The following GET1 variants were observed in gnomAD, a reference collection of about 807,000 sequenced individuals.
GET1 encodes the protein congenital heart disease 5 protein.
In GET1, 20 loss-of-function variants were observed where a neutral mutation model predicts 22.6. The ratio of observed to expected loss-of-function variants is 0.89; its 90% CI spans 0.62 to 1.29. GET1 has a LOEUF of 1.29. Among genes scored for constraint, GET1 ranks in the 50% most tolerant of loss-of-function variants. The probability of loss-of-function intolerance (pLI) is 0.00; values close to 1 mark genes in which losing one functional copy is unlikely to be tolerated. For missense variants in GET1, 209 were observed against 219.9 expected (o/e 0.95, Z 0.31); for synonymous variants, 92 against 83.8 (o/e 1.10, Z -0.53).
chr21:39,390,546 C>A, intron 1 of GET1, 152 bp from the exon 2 acceptor site: 1 of 987,966 alleles, frequency 1.0e-6, no homozygotes, highest in Non-Finnish European at 1.4e-6. Flanking sequence ...TGGGAACGTT[C>A]ACGGCCGCAG....
At chr21:39,423,184 A>C (rs1369657824) in intron 1 of GET1, 4 of 1,613,214 alleles carry the variant, frequency 2.5e-6, no homozygotes, top group Non-Finnish European at 2.5e-6. Context: ...TAGTTGCCTT[A>C]AATTTTTTAC....
intron 1 of GET1, among the ~76,000 whole-genome samples, chr21:39,415,177 C>A (rs2040914551): frequency 6.6e-6 from 1 of 152,140 alleles, no homozygotes; most frequent in African/African-American, 2.4e-5. Flanking sequence ...ATGATGTAAG[C>A]CACCATGCCT....
chr21:39,407,063 C>CA (rs1305177510), downstream of GET1, among the ~76,000 whole-genome samples: 1 of 152,024 alleles, frequency 6.6e-6, no homozygotes, highest in Non-Finnish European at 1.5e-5. Context: ...CCTGTCTCTA[C>CA]AAAAAATACA....
downstream of GET1, among the ~76,000 whole-genome samples, chr21:39,398,736 C>T (rs2038764052): frequency 1.3e-5 from 2 of 151,928 alleles, no homozygotes. Context: ...ACCTCAGCCT[C>T]CCAAGTAGCT....
chr21:39,380,767 A>C, intron 1 of GET1: 1 of 1,139,932 alleles, frequency 8.8e-7, no homozygotes, highest in Non-Finnish European at 1.1e-6. Context: ...GGGAGTTCCT[A>C]GTGCCCCGCT....
chr21:39,417,627 A>C (rs1336848809), intron 1 of GET1, among the ~76,000 whole-genome samples: 1 of 152,104 alleles, frequency 6.6e-6, no homozygotes, highest in African/African-American at 2.4e-5. Context: ...GGTTTAATGG[A>C]CTCACAGTTC....
At chr21:39,423,026 T>C in intron 1 of GET1, 1 of 1,614,124 alleles carries the variant, frequency 6.2e-7, no homozygotes, top group Non-Finnish European at 8.5e-7. Context: ...ATAGATAATT[T>C]ATGAGTGAGT....
At chr21:39,413,639 C>G (rs750948981) in intron 1 of GET1, among the ~76,000 whole-genome samples, 1 of 152,168 alleles carries the variant, frequency 6.6e-6, no homozygotes, top group Non-Finnish European at 1.5e-5. Flanking sequence ...GTTCATCTCT[C>G]TTTTCTTATT....
At chr21:39,396,711 G>A (rs2038679809) in intron 4 of GET1, among the ~76,000 whole-genome samples, 155 bp from the exon 5 acceptor site, 1 of 149,730 alleles carries the variant, frequency 6.7e-6, no homozygotes, top group Non-Finnish European at 1.5e-5. Flanking sequence ...AAAAGAAAGT[G>A]ACAAATTTGA....
intron 1 of GET1, chr21:39,428,226 C>G: frequency 6.2e-7 from 1 of 1,602,988 alleles, no homozygotes; most frequent in Non-Finnish European, 8.5e-7. Context: ...TTTTCTTTTA[C>G]CACAGGCTGC....
At chr21:39,380,849 C>T (rs2037511745) in intron 1 of GET1, 3 of 994,558 alleles carry the variant, frequency 3.0e-6, no homozygotes, top group Non-Finnish European at 3.6e-6. Flanking sequence ...TTCCCAGAGG[C>T]CTGGCGGGCG....
At chr21:39,380,864 C>A in intron 1 of GET1, 1 of 990,922 alleles carries the variant, frequency 1.0e-6, no homozygotes, top group Non-Finnish European at 1.2e-6. Flanking sequence ...CGGGCGAAGT[C>A]AGCTGTTCCA....
chr21:39,409,600 TTTAA>T (rs1280886707), downstream of GET1, among the ~76,000 whole-genome samples: 1 of 152,074 alleles, frequency 6.6e-6, no homozygotes, highest in African/African-American at 2.4e-5. This position sits in a 1 kb window ranked among gnomAD's most constrained non-coding sequence, Gnocchi z 4.2. Context: ...ATGTTTTTTT[TTTAA>T]TTTTTTGAGA....
rs1299885305 is a variant in GET1, at chr21:39,383,197, G to A, written c.102+2711G>A. On this transcript the variant is annotated intron_variant, in intron 1 of 4. Transcript: ENST00000649170. ...TCTCGATCTCCTGACCTTGTGATCT[G>A]CCCGCCTTGGCCTCCCAAAGTGCTG... 4.6e-5 allele frequency among the ~76,000 whole-genome samples: 7 copies of A among 151,764 alleles called. No homozygotes were observed. In the East Asian group the frequency reaches 1.4e-3, roughly 29 times the overall value.
intron 1 of GET1, chr21:39,423,309 G>A (rs781660376): frequency 6.2e-7 from 1 of 1,611,140 alleles, no homozygotes; most frequent in Non-Finnish European, 8.5e-7. Flanking sequence ...TTTCTGTAAG[G>A]ATGGCTTCCA....
intron 1 of GET1, among the ~76,000 whole-genome samples, chr21:39,419,686 T>G (rs1341371941): frequency 1.3e-5 from 2 of 152,094 alleles, no homozygotes; most frequent in Non-Finnish European, 2.9e-5. Context: ...ATGGGATTAG[T>G]GCCCTTGTAA....
intron 1 of GET1, among the ~76,000 whole-genome samples, chr21:39,412,008 C>T (rs985179894): frequency 2.0e-5 from 3 of 152,282 alleles, no homozygotes; most frequent in South Asian, 2.1e-4. Flanking sequence ...TTATTGTGAT[C>T]GGGACAGTAT....
downstream of GET1, among the ~76,000 whole-genome samples, chr21:39,398,724 T>A: frequency 6.6e-6 from 1 of 151,274 alleles, no homozygotes. Context: ...AGTGATTCTC[T>A]TACCTCAGCC....
At position 39,428,376 on chromosome 21, in the gene GET1, G is replaced by A. The variant is rs370755758; in HGVS notation, c.*168G>A. 44 of 1,613,154 alleles carry A rather than the reference G, an allele frequency of 2.7e-5. No homozygotes were observed. The highest frequency in any genetic ancestry group is 1.6e-4 in the Middle Eastern group (1 of 6,082). On this transcript the variant is annotated 3_prime_UTR_variant, in exon 2 of 2. Transcript: ENST00000478273. ...CTCTTATTGGAAGCATTACTGTTCC[G>A]TGAAAAATCGCCTGTGCCTGGGCTT...
Sources: gnomAD v4.1 joint callset for allele counts (sites outside exome capture counted in the v4.1 genomes callset) on GRCh38, gnomAD v4.1.1 for gene constraint, Gnocchi (gnomAD v3.1) non-coding constraint, MANE v1.5 for transcripts, NCBI Gene and HGNC (gene_info 2026-07-23, HGNC 2026-07-21) for gene names.